GABRB1: variants seen among roughly 807,000 people sequenced by gnomAD.
The protein encoded by GABRB1 is gamma-aminobutyric acid type A receptor subunit beta1, also known as gamma-aminobutyric acid receptor subunit beta-1.
GABRB1 carries 17 observed loss-of-function variants against 51.6 expected under a neutral mutation model. The ratio of observed to expected loss-of-function variants is 0.33; its 90% CI spans 0.23 to 0.49. The LOEUF (loss-of-function observed/expected upper bound fraction) is 0.49. Among genes scored for constraint, GABRB1 ranks in the 20% least tolerant of loss-of-function variants. GABRB1 has a pLI of 0.99. For synonymous variants in GABRB1, 247 were observed against 218.9 expected (o/e 1.13, Z -1.14); for missense variants, 410 against 600.6 (o/e 0.68, Z 3.32).
rs186743846 is a variant in GABRB1 at position 47,212,156 on chromosome 4, A to G, written c.461+50687A>G. 5.9e-5 allele frequency among the ~76,000 whole-genome samples: 9 copies of G among 152,322 alleles called. No individual in the cohort carries two copies. The East Asian group carries it at 1.7e-3, about 29-fold the overall frequency. ...CTGGCGTGAAATGTGGACTTTTAATATAAAGCAACACAGCCAGCTACGCAG... is the reference window on the plus strand; with the variant it reads ...CTGGCGTGAAATGTGGACTTTTAATGTAAAGCAACACAGCCAGCTACGCAG... On this transcript the variant is annotated intron_variant, in intron 4 of 8. Transcript: ENST00000295454.
chr4:47,289,041 T>C (rs1014754396), intron 4 of GABRB1, among the ~76,000 whole-genome samples: 2 of 150,588 alleles, frequency 1.3e-5, no homozygotes, highest in Admixed American at 6.6e-5. Flanking sequence ...ACAAGCCTCT[T>C]TTTTTTTTGG....
chr4:47,127,151 T>C (rs1157929806), intron 3 of GABRB1, among the ~76,000 whole-genome samples: 1 of 151,816 alleles, frequency 6.6e-6, no homozygotes, highest in East Asian at 1.9e-4. Context: ...ATTTCCTAAT[T>C]ATAGTATCTT....
chr4:47,149,200 T>C lies in GABRB1; in HGVS notation c.241-12049T>C, dbSNP rs1717316991. Among the ~76,000 whole-genome samples, 13 of 152,162 alleles carry C rather than the reference T, an allele frequency of 8.5e-5. No homozygotes were observed. The South Asian group carries it at 2.7e-3, about 32-fold the overall frequency. On this transcript the variant is annotated intron_variant, in intron 3 of 8. Coordinates refer to ENST00000295454, the MANE Select transcript of GABRB1 (RefSeq NM_000812.4). ...AAAATGCTGATCATACAGTTAAATG[T>C]TCAGAAACAGACAGAAATTATTATT...
intron 4 of GABRB1, among the ~76,000 whole-genome samples, chr4:47,231,646 A>G (rs1279910579): frequency 6.6e-6 from 1 of 152,170 alleles, no homozygotes; most frequent in Non-Finnish European, 1.5e-5. Flanking sequence ...TGATTTGGGG[A>G]ACTAGATTAC....
intron 3 of GABRB1, among the ~76,000 whole-genome samples, chr4:47,114,350 T>C (rs1033608990): frequency 6.6e-6 from 1 of 152,138 alleles, no homozygotes; most frequent in African/African-American, 2.4e-5. Flanking sequence ...AGACAGCAAC[T>C]GTATTTAGGG....
chr4:47,119,889 A>G (rs1715690340), intron 3 of GABRB1, among the ~76,000 whole-genome samples: 1 of 152,160 alleles, frequency 6.6e-6, no homozygotes, highest in South Asian at 2.1e-4. Context: ...CAGATTTTAA[A>G]AGGCTGTTTC....
intron 5 of GABRB1, among the ~76,000 whole-genome samples, chr4:47,398,559 G>T (rs4995571): frequency 0.72 from 106,526 of 148,822 alleles, 38,744 homozygotes; most frequent in African/African-American, 0.87. Flanking sequence ...CATATATATA[G>T]AGAGAGAGAG....
At chr4:47,110,842 G>A (rs1041017135) in intron 3 of GABRB1, among the ~76,000 whole-genome samples, 1 of 152,152 alleles carries the variant, frequency 6.6e-6, no homozygotes, top group Non-Finnish European at 1.5e-5. Context: ...AAGTATGTGA[G>A]TTTCAATTCA....
chr4:46,998,733 A>G (rs1306291833), intron 1 of GABRB1, among the ~76,000 whole-genome samples: 5 of 92,064 alleles, frequency 5.4e-5, no homozygotes, highest in African/African-American at 2.1e-4. Context: ...GACTCTGTCT[A>G]AAAAAAAAAA....
At chr4:47,032,127 G>GACACACACACACAC (rs375911533) in intron 2 of GABRB1, 122 bp downstream of exon 2, 18 of 580,486 alleles carry the variant, frequency 3.1e-5, no homozygotes, top group Admixed American at 1.5e-4. Context: ...CTATACCCTG[G>GACACACACACACAC]GCACACACAC....
At chr4:47,305,182 G>A (rs1391852232) in intron 4 of GABRB1, among the ~76,000 whole-genome samples, 3 of 151,886 alleles carry the variant, frequency 2.0e-5, no homozygotes, top group African/African-American at 4.8e-5. Flanking sequence ...CAAGCCACAG[G>A]GTGTCTAAAA....
intron 5 of GABRB1, among the ~76,000 whole-genome samples, chr4:47,384,368 C>T (rs1727705678): frequency 6.7e-6 from 1 of 150,120 alleles, no homozygotes; most frequent in African/African-American, 2.5e-5. Context: ...TGACAAATCA[C>T]TATTTCTCAT....
In GABRB1 at chr4:47,426,442, A is replaced by C. The variant is rs886903018; in HGVS notation, c.*424A>C. 2 of 152,044 alleles carry C rather than the reference A, an allele frequency of 1.3e-5. No homozygotes were observed. Among genetic ancestry groups the C allele is most frequent in the Non-Finnish European group, 2.9e-5 (2 of 68,334 alleles). The allele number at this position is 152,044 out of a possible 1,614,324, so 9.4% of individuals were successfully genotyped here. A position where few individuals can be genotyped will look rare whatever the true frequency, so the allele number is the denominator to read the frequency against. On this transcript the variant is annotated 3_prime_UTR_variant, in exon 9 of 9. Coordinates refer to ENST00000295454, the MANE Select transcript of GABRB1 (RefSeq NM_000812.4). ...ACTTATGCTGCCAAAAAAAAAAAAA[A>C]AAAAACATAAAAAAAAACACACAAT...
At chr4:47,036,722 T>A (rs1164688292) in intron 3 of GABRB1, among the ~76,000 whole-genome samples, 1 of 151,962 alleles carries the variant, frequency 6.6e-6, no homozygotes, top group Non-Finnish European at 1.5e-5. Flanking sequence ...ATTAGCTGGG[T>A]GTGATGGTGC....
At chr4:47,284,955 G>A (rs1723452011) in intron 4 of GABRB1, among the ~76,000 whole-genome samples, 1 of 152,218 alleles carries the variant, frequency 6.6e-6, no homozygotes, top group African/African-American at 2.4e-5. Flanking sequence ...GTGAACAACA[G>A]AGTTTGGAGG....
At chr4:47,027,604 G>A (rs1725141776), upstream of GABRB1, among the ~76,000 whole-genome samples, 1 of 151,454 alleles carries the variant, frequency 6.6e-6, no homozygotes, top group African/African-American at 2.4e-5. Flanking sequence ...TGCAAAAAGT[G>A]AAGTGGTGCC....
rs570899451 is a variant in GABRB1 at position 47,113,016 on chromosome 4, G to C, written c.241-48233G>C. ...TCTACTTCTGTATTAGGCTTGAAAT[G>C]GAGTTAGAAGGTTGGATGGGAAAGG... On this transcript the variant is annotated intron_variant, in intron 3 of 8. Coordinates refer to ENST00000295454, the MANE Select transcript of GABRB1 (RefSeq NM_000812.4). 4.6e-5 allele frequency among the ~76,000 whole-genome samples: 7 copies of C among 152,150 alleles called. No individual in the cohort carries two copies. In the South Asian group the frequency reaches 1.0e-3, roughly 23 times the overall value.
chr4:47,420,003 G>C (rs1014476824), intron 8 of GABRB1, among the ~76,000 whole-genome samples: 3 of 152,160 alleles, frequency 2.0e-5, no homozygotes, highest in Non-Finnish European at 4.4e-5. Flanking sequence ...TAGGTTCAAT[G>C]ACACTCTAAA....
intron 3 of GABRB1, among the ~76,000 whole-genome samples, chr4:47,060,253 C>A (rs1282512702): frequency 6.6e-6 from 1 of 152,082 alleles, no homozygotes; most frequent in African/African-American, 2.4e-5. Context: ...CAGAATCACA[C>A]AGAAAGTAAG....
Sources: allele counts gnomAD v4.1 joint callset (sites outside exome capture counted in the v4.1 genomes callset), GRCh38; gene constraint gnomAD v4.1.1; transcripts MANE v1.5; gene names NCBI Gene and HGNC (gene_info 2026-07-23, HGNC 2026-07-21).